Variants in SLC25A21 observed in about 807,000 individuals in gnomAD.
The protein encoded by SLC25A21 is solute carrier family 25 member 21, also known as mitochondrial 2-oxodicarboxylate carrier.
Under a neutral mutation model 43.8 loss-of-function variants are expected in SLC25A21, and 47 were observed. That is an observed-to-expected ratio of 1.07 (90% CI 0.85 to 1.37). The LOEUF is 1.37. Among genes scored for constraint, SLC25A21 ranks in the 40% most tolerant of loss-of-function variants. The probability of loss-of-function intolerance (pLI) is 0.00; values close to 1 mark genes in which losing one functional copy is unlikely to be tolerated. For synonymous variants in SLC25A21, 131 were observed against 121.3 expected (o/e 1.08, Z -0.52); for missense variants, 352 against 350.2 (o/e 1.00, Z -0.04).
chr14:36,892,099 GACA>G (rs1416857807), intron 1 of SLC25A21, among the ~76,000 whole-genome samples: 4 of 152,214 alleles, frequency 2.6e-5, no homozygotes, highest in South Asian at 2.1e-4. Flanking sequence ...TCAGACAAAA[GACA>G]ACAAGTGTTG....
intron 1 of SLC25A21, among the ~76,000 whole-genome samples, chr14:36,931,585 A>G (rs1445223902): frequency 1.3e-5 from 2 of 151,956 alleles, no homozygotes; most frequent in Non-Finnish European, 2.9e-5. Context: ...TGTGTAGACA[A>G]TGGGGAGCCA....
intron 6 of SLC25A21, among the ~76,000 whole-genome samples, chr14:36,712,881 T>C (rs1883947471): frequency 6.6e-6 from 1 of 152,192 alleles, no homozygotes; most frequent in Non-Finnish European, 1.5e-5. Flanking sequence ...CCCCAAATCA[T>C]TATTTTTTGG....
chr14:36,716,689 A>C (rs1482095405), intron 6 of SLC25A21, among the ~76,000 whole-genome samples: 1 of 152,142 alleles, frequency 6.6e-6, no homozygotes, highest in Non-Finnish European at 1.5e-5. Flanking sequence ...GGCAGCCCCA[A>C]CTATTTTTTC....
At chr14:37,142,971 C>T (rs967268547) in intron 1 of SLC25A21, among the ~76,000 whole-genome samples, 2 of 152,202 alleles carry the variant, frequency 1.3e-5, no homozygotes, top group Middle Eastern at 3.2e-3. Context: ...TGCATCTCTG[C>T]ATTCCCTACA....
At chr14:36,957,516 C>T (rs1446785900) in intron 1 of SLC25A21, among the ~76,000 whole-genome samples, 1 of 152,174 alleles carries the variant, frequency 6.6e-6, no homozygotes, top group Non-Finnish European at 1.5e-5. Context: ...CAGTTGATCC[C>T]CATAGATCCT....
intron 1 of SLC25A21, among the ~76,000 whole-genome samples, chr14:37,061,212 T>C (rs8011715): frequency 0.45 from 68,414 of 151,946 alleles, 17,931 homozygotes; most frequent in African/African-American, 0.74. Context: ...GAGCCCCCCT[T>C]GTCTGCCAAG....
At chr14:37,054,057 G>T (rs1462621854) in intron 1 of SLC25A21, among the ~76,000 whole-genome samples, 1 of 152,166 alleles carries the variant, frequency 6.6e-6, no homozygotes, top group East Asian at 1.9e-4. Context: ...ACTTGCCTGA[G>T]CAATACAATG....
At chr14:37,127,955 G>A (rs573133351) in intron 1 of SLC25A21, among the ~76,000 whole-genome samples, 12 of 152,302 alleles carry the variant, frequency 7.9e-5, no homozygotes, top group African/African-American at 2.6e-4. Flanking sequence ...AAGAAGCAAT[G>A]AGAATGTGAT....
intron 2 of SLC25A21, among the ~76,000 whole-genome samples, chr14:36,863,609 G>T (rs1298015071): frequency 6.6e-6 from 1 of 152,090 alleles, no homozygotes; most frequent in Non-Finnish European, 1.5e-5. Context: ...TTTTATGTGG[G>T]GAGAACTGAC....
intron 1 of SLC25A21, among the ~76,000 whole-genome samples, chr14:37,072,802 G>A (rs1962199880): frequency 6.6e-6 from 1 of 152,088 alleles, no homozygotes; most frequent in South Asian, 2.1e-4. Context: ...CTTAAAACAA[G>A]GAATCAGGAA....
chr14:36,898,617 T>C (rs1047753809), intron 1 of SLC25A21, among the ~76,000 whole-genome samples: 3 of 152,176 alleles, frequency 2.0e-5, no homozygotes, highest in African/African-American at 7.2e-5. Flanking sequence ...ACCTGTCTTC[T>C]GCGTCGCTCA....
At chr14:37,028,882 T>C (rs1214782840) in intron 1 of SLC25A21, among the ~76,000 whole-genome samples, 1 of 152,174 alleles carries the variant, frequency 6.6e-6, no homozygotes, top group East Asian at 1.9e-4. Flanking sequence ...TTATAGCTAT[T>C]ATTGTTGGAC....
chr14:36,862,903 T>C (rs976908620), intron 2 of SLC25A21, among the ~76,000 whole-genome samples: 1 of 152,156 alleles, frequency 6.6e-6, no homozygotes, highest in Non-Finnish European at 1.5e-5. Flanking sequence ...AACACGCAAA[T>C]TGGAATCTAA....
At chr14:36,849,803 C>T (rs1353986070) in intron 2 of SLC25A21, among the ~76,000 whole-genome samples, 6 of 152,178 alleles carry the variant, frequency 3.9e-5, no homozygotes, top group Admixed American at 3.9e-4. Flanking sequence ...TAGAACCTCT[C>T]ATCTTGCTCA....
rs199790576 is a variant in SLC25A21 at position 36,990,886 on chromosome 14, CAG to C, written c.71-115884_71-115883del. On this transcript the variant is annotated intron_variant, in intron 1 of 9. Coordinates refer to ENST00000331299, the MANE Select transcript of SLC25A21 (RefSeq NM_030631.4). ...CCAGCCTGAACTCCAGCCTGGGCAA[CAG>C]AGTGAGACCCTGCTTCAAAAAAAAA... Among the ~76,000 whole-genome samples, 374 of 150,410 alleles carry C rather than the reference CAG, an allele frequency of 2.5e-3. 1 individual carries two copies. The highest frequency in any genetic ancestry group is 8.6e-3 in the African/African-American group (348 of 40,534).
chr14:37,134,182 T>A (rs1963438747), intron 1 of SLC25A21, among the ~76,000 whole-genome samples: 1 of 152,098 alleles, frequency 6.6e-6, no homozygotes, highest in African/African-American at 2.4e-5. Context: ...CAAAATAGAA[T>A]AAAGATCAGA....
chr14:37,142,585 C>T (rs987130204), intron 1 of SLC25A21, among the ~76,000 whole-genome samples: 1 of 152,104 alleles, frequency 6.6e-6, no homozygotes, highest in Non-Finnish European at 1.5e-5. Context: ...TGATCCGGAA[C>T]TCCTGGGCTC....
rs33939346 is a variant in SLC25A21 at position 37,040,439 on chromosome 14, GA to G, written c.70+131841del. 1.9e-3 allele frequency among the ~76,000 whole-genome samples: 85 copies of G among 45,858 alleles called. 4 individuals carry two copies. Among genetic ancestry groups the G allele is most frequent in the African/African-American group, 6.4e-3 (17 of 2,672 alleles). The allele number at this position is 45,858 out of a possible 152,430, so 30.1% of individuals were successfully genotyped here. A position where few individuals can be genotyped will look rare whatever the true frequency, so the allele number is the denominator to read the frequency against. On this transcript the variant is annotated intron_variant, in intron 1 of 9. Transcript: ENST00000331299. ...AGAAAGAAAGAAAGAAAGAAAGAAA[GA>G]AAAGAAAAATTAGTTACAGGGTGAG...
chr14:36,790,662 T>G (rs1887454000), intron 3 of SLC25A21, among the ~76,000 whole-genome samples: 1 of 152,162 alleles, frequency 6.6e-6, no homozygotes, highest in South Asian at 2.1e-4. Flanking sequence ...TTTTGAGGTA[T>G]GAAAATAAGT....
Sources: gnomAD v4.1 joint callset for allele counts (sites outside exome capture counted in the v4.1 genomes callset) on GRCh38, gnomAD v4.1.1 for gene constraint, MANE v1.5 for transcripts, NCBI Gene and HGNC (gene_info 2026-07-23, HGNC 2026-07-21) for gene names.